Variants in RUNX1 observed in about 807,000 individuals in gnomAD.
RUNX1 encodes runt-related transcription factor 1.
Under a neutral mutation model 42.8 loss-of-function variants are expected in RUNX1, and 19 were observed. That is an observed-to-expected ratio of 0.44 (90% CI 0.31 to 0.65). RUNX1 has a LOEUF of 0.65. Among genes scored for constraint, RUNX1 ranks in the 30% least tolerant of loss-of-function variants. RUNX1 has a pLI of 0.07. For missense variants in RUNX1, 528 were observed against 672.0 expected, an observed-to-expected ratio of 0.79 and a Z score of 2.37; for synonymous variants, 271 against 289.4, an observed-to-expected ratio of 0.94 and a Z score of 0.64.
At chr21:34,874,241 A>G (rs771227662) in intron 5 of RUNX1, among the ~76,000 whole-genome samples, 14 of 152,080 alleles carry the variant, frequency 9.2e-5, no homozygotes, top group Non-Finnish European at 1.8e-4. Flanking sequence ...TATTGACAGT[A>G]TATGATTATT....
At chr21:34,927,840 T>C (rs1569108920) in intron 2 of RUNX1, among the ~76,000 whole-genome samples, 2 of 152,248 alleles carry the variant, frequency 1.3e-5, no homozygotes, top group Non-Finnish European at 2.9e-5. Context: ...CATCCACAGC[T>C]AATGGATGGA....
chr21:34,983,959 T>C (rs2058866157), intron 2 of RUNX1, among the ~76,000 whole-genome samples: 1 of 152,154 alleles, frequency 6.6e-6, no homozygotes, highest in African/African-American at 2.4e-5. Context: ...AGAAGATGAT[T>C]AATTCAGCTG....
At chr21:34,991,299 C>A (rs867544457) in intron 2 of RUNX1, among the ~76,000 whole-genome samples, 1 of 146,866 alleles carries the variant, frequency 6.8e-6, no homozygotes, top group Non-Finnish European at 1.5e-5. Context: ...TGGCTAGATA[C>A]CCCTTGTTAA....
chr21:35,030,330 G>T (rs1847552737), intron 2 of RUNX1, among the ~76,000 whole-genome samples: 1 of 151,556 alleles, frequency 6.6e-6, no homozygotes, highest in Non-Finnish European at 1.5e-5. Context: ...GTGACAGAGT[G>T]AGACTCTGTC....
intron 5 of RUNX1, among the ~76,000 whole-genome samples, chr21:34,863,427 C>G (rs947113954): frequency 6.6e-6 from 1 of 152,166 alleles, no homozygotes; most frequent in Non-Finnish European, 1.5e-5. Flanking sequence ...GGCAGTTGAG[C>G]ACTCATGACA....
intron 7 of RUNX1, among the ~76,000 whole-genome samples, chr21:34,812,400 G>A (rs1235669224): frequency 6.6e-6 from 1 of 152,180 alleles, no homozygotes; most frequent in Non-Finnish European, 1.5e-5. Flanking sequence ...CAGCATAAAG[G>A]AAACACTTGA....
At chr21:34,927,700 A>ATGG (rs1215839464) in intron 2 of RUNX1, among the ~76,000 whole-genome samples, 3 of 152,206 alleles carry the variant, frequency 2.0e-5, no homozygotes, top group African/African-American at 7.2e-5. Context: ...GAGCACATTA[A>ATGG]TGGTACTGTT....
At chr21:34,902,757 C>T (rs2058187211) in intron 2 of RUNX1, among the ~76,000 whole-genome samples, 1 of 152,070 alleles carries the variant, frequency 6.6e-6, no homozygotes, top group African/African-American at 2.4e-5. Flanking sequence ...CTTACCTTGC[C>T]CCAGCCTCAG....
intron 5 of RUNX1, among the ~76,000 whole-genome samples, chr21:34,868,448 C>T (rs78012610): frequency 1.3e-3 from 205 of 152,238 alleles, no homozygotes; most frequent in Non-Finnish European, 2.5e-3. Flanking sequence ...AGGCAATCCC[C>T]GCCCTATCTC....
chr21:35,021,683 G>A (rs998103341), intron 2 of RUNX1, among the ~76,000 whole-genome samples: 1 of 152,188 alleles, frequency 6.6e-6, no homozygotes, highest in African/African-American at 2.4e-5. Context: ...AGAAGTACCT[G>A]CAGGGACCTA....
intron 4 of RUNX1, among the ~76,000 whole-genome samples, chr21:34,885,319 G>A (rs1296096639): frequency 6.6e-6 from 1 of 152,158 alleles, no homozygotes; most frequent in Non-Finnish European, 1.5e-5. Context: ...CTCAATGCGG[G>A]TGCCCTAAAG....
chr21:34,949,736 G>A (rs2058593078), intron 2 of RUNX1, among the ~76,000 whole-genome samples: 1 of 152,226 alleles, frequency 6.6e-6, no homozygotes, highest in Non-Finnish European at 1.5e-5. Context: ...GAGTGGGAGT[G>A]GGAAGGGGGC....
rs16992393 is a variant in RUNX1, at chr21:34,821,089, C to T, written c.805+13321G>A. ...GGAAGGTCTCCTGTTTGGGTTTATC[C>T]AAGGAAACAAAACTCAAATGAAAAT... On this transcript the variant is annotated intron_variant, in intron 7 of 8. Coordinates refer to ENST00000675419, the MANE Select transcript of RUNX1 (RefSeq NM_001754.5). Among the ~76,000 whole-genome samples, 936 of 152,152 alleles carry T rather than the reference C, an allele frequency of 6.2e-3. 16 individuals carry two copies. Among genetic ancestry groups the T allele is most frequent in the East Asian group, 0.061 (318 of 5,178 alleles).
intron 5 of RUNX1, among the ~76,000 whole-genome samples, chr21:34,865,623 G>A (rs954976382): frequency 6.6e-6 from 1 of 152,212 alleles, no homozygotes; most frequent in Admixed American, 6.5e-5. Flanking sequence ...GCCAGTCAGC[G>A]GGGAGGCCCC....
rs527582542 is a variant in RUNX1 at position 34,880,479 on chromosome 21, C to G, written c.508+78G>C. ...GACCGAGTTTCTAGGGATTCCATCA[C>G]AGAAATCACTAGAATTTTGAAATGT... On this transcript the variant is annotated intron_variant, in intron 5 of 8. Transcript: ENST00000675419. 17 of 1,386,374 alleles carry G rather than the reference C, an allele frequency of 1.2e-5. No homozygotes were observed. The East Asian group carries it at 1.6e-4, about 13-fold the overall frequency. 85.9% of individuals were successfully genotyped at this position (1,386,374 alleles called of 1,614,324 possible).
intron 2 of RUNX1, among the ~76,000 whole-genome samples, chr21:34,962,719 G>A (rs960131056): frequency 1.1e-4 from 17 of 152,296 alleles, no homozygotes; most frequent in African/African-American, 3.4e-4. Context: ...ACAGACATAC[G>A]CATTCGCGTT....
chr21:35,011,491 C>T (rs2059126353), intron 2 of RUNX1, among the ~76,000 whole-genome samples: 1 of 152,182 alleles, frequency 6.6e-6, no homozygotes, highest in African/African-American at 2.4e-5. Context: ...TCAGGTGGAT[C>T]CCTCCGTGGG....
chr21:34,799,071 G>A (rs2056570813), intron 8 of RUNX1, among the ~76,000 whole-genome samples: 1 of 152,188 alleles, frequency 6.6e-6, no homozygotes, highest in Non-Finnish European at 1.5e-5. Flanking sequence ...AACAACTTTA[G>A]ATGTCTAAGG....
chr21:34,820,540 G>A (rs186754348), intron 7 of RUNX1, among the ~76,000 whole-genome samples: 2 of 151,734 alleles, frequency 1.3e-5, no homozygotes, highest in East Asian at 3.9e-4. Flanking sequence ...CTGTAATCCC[G>A]ACTCTGTAAT....
Sources: gnomAD v4.1 joint callset for allele counts (sites outside exome capture counted in the v4.1 genomes callset) on GRCh38, gnomAD v4.1.1 for gene constraint, MANE v1.5 for transcripts, NCBI Gene and HGNC (gene_info 2026-07-23, HGNC 2026-07-21) for gene names.